SLC71A1: variants seen among roughly 807,000 people sequenced by gnomAD.
SLC71A1 encodes hippocampus abundant gene transcript 1.
the SLC71A1 span, among the ~76,000 whole-genome samples, chr1:100,040,824 T>C: frequency 1.2e-3 from 180 of 152,330 alleles, no homozygotes; most frequent in African/African-American, 4.2e-3. Flanking sequence ...TGTTTTTTAA[T>C]TCATCGTATC....
chr1:100,077,630 G>A, the SLC71A1 span, among the ~76,000 whole-genome samples: 1 of 151,954 alleles, frequency 6.6e-6, no homozygotes, highest in Non-Finnish European at 1.5e-5. Context: ...TTGTTTTTCT[G>A]GTCAGGAAAA....
chr1:100,055,838 T>TGATTCCTGGATTCAAGCAATTCTCC, the SLC71A1 span, among the ~76,000 whole-genome samples: 1 of 152,136 alleles, frequency 6.6e-6, no homozygotes, highest in African/African-American at 2.4e-5. Context: ...CTGCAATCTC[T>TGATTCCTGGATTCAAGCAATTCTCC]GCTTCCTGGA....
At chr1:100,082,438 T>C in the SLC71A1 span, 206,242 of 531,822 alleles carry the variant, frequency 0.39, 44,408 homozygotes, top group East Asian at 0.64. Context: ...ACCAATTTCT[T>C]GCCACTAAGC....
At chr1:100,059,560 T>C in the SLC71A1 span, among the ~76,000 whole-genome samples, 274 of 151,150 alleles carry the variant, frequency 1.8e-3, 3 homozygotes, top group African/African-American at 5.8e-3. Context: ...TATATATATA[T>C]ACACACACAC....
At chr1:100,059,969 C>T in the SLC71A1 span, 1 of 1,612,952 alleles carries the variant, frequency 6.2e-7, no homozygotes, top group Non-Finnish European at 8.5e-7. Flanking sequence ...GTGTTTTTCA[C>T]ATGTGCCCCA....
chr1:100,039,250 A>G, the SLC71A1 span, among the ~76,000 whole-genome samples: 1 of 152,192 alleles, frequency 6.6e-6, no homozygotes, highest in East Asian at 1.9e-4. Flanking sequence ...AAGGTGATAT[A>G]TATGTTTCAC....
chr1:100,053,724 C>G, the SLC71A1 span, among the ~76,000 whole-genome samples: 732 of 152,248 alleles, frequency 4.8e-3, 2 homozygotes, highest in Non-Finnish European at 8.8e-3. Flanking sequence ...TTATCTTTCA[C>G]TTTTAAGCCC....
At chr1:100,075,658 TATA>T in the SLC71A1 span, among the ~76,000 whole-genome samples, 22 of 152,310 alleles carry the variant, frequency 1.4e-4, 1 homozygote, top group East Asian at 3.3e-3. Context: ...GATTATTTTT[TATA>T]ATATTGGCCA....
chr1:100,078,636 A>G, the SLC71A1 span: 10 of 931,188 alleles, frequency 1.1e-5, no homozygotes, highest in South Asian at 1.2e-4. Context: ...AAACATAAGT[A>G]TATCTTCAGG....
chr1:100,070,041 A>T, the SLC71A1 span, among the ~76,000 whole-genome samples: 1 of 152,224 alleles, frequency 6.6e-6, no homozygotes, highest in Non-Finnish European at 1.5e-5. Context: ...CAGTGAACTT[A>T]ACTAAATTCT....
the SLC71A1 span, among the ~76,000 whole-genome samples, chr1:100,043,736 G>A: frequency 6.6e-6 from 1 of 152,110 alleles, no homozygotes; most frequent in Non-Finnish European, 1.5e-5. Flanking sequence ...CATCCTCAAA[G>A]TCCATTCTAT....
At chr1:100,043,764 G>A in the SLC71A1 span, among the ~76,000 whole-genome samples, 2 of 152,108 alleles carry the variant, frequency 1.3e-5, no homozygotes, top group Non-Finnish European at 2.9e-5. Context: ...ACGCCTTTGC[G>A]TCCTCATAGC....
At chr1:100,049,162 A>G in the SLC71A1 span, among the ~76,000 whole-genome samples, 1 of 152,166 alleles carries the variant, frequency 6.6e-6, no homozygotes, top group Non-Finnish European at 1.5e-5. Flanking sequence ...TACTGCAGTG[A>G]GTCTTAAGAC....
At chr1:100,076,483 A>G in the SLC71A1 span, among the ~76,000 whole-genome samples, 26 of 152,342 alleles carry the variant, frequency 1.7e-4, 1 homozygote, top group African/African-American at 6.3e-4. Context: ...GCCAGGCACA[A>G]TTCTAAGAAC....
the SLC71A1 span, chr1:100,068,544 G>T: frequency 6.2e-7 from 1 of 1,613,754 alleles, no homozygotes; most frequent in Admixed American, 1.7e-5. Context: ...CCTACCTACC[G>T]GAGGCAGGCC....
chr1:100,046,309 C>T, the SLC71A1 span, among the ~76,000 whole-genome samples: 1 of 142,700 alleles, frequency 7.0e-6, no homozygotes, highest in East Asian at 2.3e-4. Flanking sequence ...TCACTGCAAC[C>T]TCTGCCTCCC....
the SLC71A1 span, chr1:100,068,721 G>T: frequency 2.7e-4 from 168 of 626,278 alleles, 2 homozygotes; most frequent in South Asian, 1.3e-3. Flanking sequence ...AGTGGCTCAC[G>T]CCTGTAATCT....
chr1:100,050,360 T>C, the SLC71A1 span, among the ~76,000 whole-genome samples: 8 of 152,332 alleles, frequency 5.3e-5, no homozygotes, highest in African/African-American at 1.9e-4. Flanking sequence ...TTTATGCAGC[T>C]GTACTTTCCA....
At chr1:100,077,412 TA>T in the SLC71A1 span, 1 of 587,400 alleles carries the variant, frequency 1.7e-6, no homozygotes, top group East Asian at 3.1e-5. Flanking sequence ...GTGTCTAATA[TA>T]AGTCTGCCAC....
Sources: allele counts gnomAD v4.1 joint callset (sites outside exome capture counted in the v4.1 genomes callset), GRCh38; gene constraint gnomAD v4.1.1; transcripts MANE v1.5; gene names NCBI Gene and HGNC (gene_info 2026-07-23, HGNC 2026-07-21).